REV3L: variants seen among roughly 807,000 people sequenced by gnomAD.
REV3L encodes REV3 like, DNA directed polymerase zeta catalytic subunit, also known as DNA polymerase zeta catalytic subunit.
In REV3L, 69 loss-of-function variants were observed where a neutral mutation model predicts 299.4. The ratio of observed to expected loss-of-function variants is 0.23; its 90% CI spans 0.19 to 0.28. The LOEUF is 0.28. Ranked by LOEUF, REV3L falls within the 10% of genes least tolerant of loss-of-function variation. The pLI is 1.00. For missense variants in REV3L, 3,128 were observed against 3,693.8 expected (o/e 0.85, Z 3.97); for synonymous variants, 1,238 against 1,271.4 (o/e 0.97, Z 0.56).
At chr6:111,411,695 AT>A in intron 2 of REV3L, 141 bp from the exon 3 acceptor site, 1 of 624,098 alleles carries the variant, frequency 1.6e-6, no homozygotes, top group Non-Finnish European at 2.7e-6. Flanking sequence ...CAACTAAAAA[AT>A]CCCAAACCTT....
chr6:111,353,158 G>T (rs1777748209), intron 18 of REV3L, among the ~76,000 whole-genome samples: 1 of 152,158 alleles, frequency 6.6e-6, no homozygotes, highest in African/African-American at 2.4e-5. Flanking sequence ...CTCAGCCAAT[G>T]TCTACAGTAC....
intron 1 of REV3L, among the ~76,000 whole-genome samples, chr6:111,423,672 A>G (rs1276546532): frequency 6.6e-6 from 1 of 152,164 alleles, no homozygotes; most frequent in Non-Finnish European, 1.5e-5. Context: ...AGAACTACAG[A>G]AAGGAAAATC....
rs775778569 is a variant in REV3L at position 111,322,521 on chromosome 6, A to C, written c.8351+48T>G. 1.1e-5 allele frequency: 15 copies of C among 1,342,402 alleles called. No homozygotes were observed. In the African/African-American group the frequency reaches 1.7e-4, roughly 16 times the overall value. 83.2% of individuals were successfully genotyped at this position (1,342,402 alleles called of 1,614,324 possible). A position where few individuals can be genotyped will look rare whatever the true frequency, so the allele number is the denominator to read the frequency against. On this transcript the variant is annotated intron_variant, in intron 26 of 31. Transcript: ENST00000368802. The stretch of plus-strand genomic sequence containing the variant: ...TAAGCCATTTTAAACACTGAAATGA[A>C]GATCTAGAGAGATGCAAAAGACAAC...
At chr6:111,397,798 G>A (rs562440237) in intron 4 of REV3L, among the ~76,000 whole-genome samples, 1 of 151,922 alleles carries the variant, frequency 6.6e-6, no homozygotes, top group Admixed American at 6.5e-5. Flanking sequence ...CACCACACCT[G>A]GCTGATTTTT....
chr6:111,328,771 G>C (rs1023305611), intron 25 of REV3L, among the ~76,000 whole-genome samples: 1 of 152,056 alleles, frequency 6.6e-6, no homozygotes, highest in Non-Finnish European at 1.5e-5. Context: ...TGCTGCTTTA[G>C]TCTCTTTTTT....
chr6:111,387,711 C>T lies in REV3L; in HGVS notation c.1096+54G>A, dbSNP rs1390473848. ...CAAACTCAATCAAATATTAACATCTCAGTGCTAGATATCTGTTCTAGTAGT... is the reference window on the plus strand; with the variant it reads ...CAAACTCAATCAAATATTAACATCTTAGTGCTAGATATCTGTTCTAGTAGT... On this transcript the variant is annotated intron_variant, in intron 9 of 31. Coordinates refer to ENST00000368802, the MANE Select transcript of REV3L (RefSeq NM_001372078.1). 8.7e-6 allele frequency: 13 copies of T among 1,490,720 alleles called. No individual in the cohort carries two copies. In the Admixed American group the frequency reaches 1.9e-4, roughly 22 times the overall value. The allele number at this position is 1,490,720 out of a possible 1,614,324, so 92.3% of individuals were successfully genotyped here.
chr6:111,374,855 G>A lies in REV3L; in HGVS notation c.3500C>T (p.Thr1167Ile). ...CTTAATCTGTGCTCTTGCGCGACTA[G>A]TTTTTCCTATACGAGAATTAACAGT... Reference protein sequence around the residue: ...KKTVNSRIGKTSRARAQIKKS... With the variant: ...KKTVNSRIGKISRARAQIKKS... Residue 1167 changes from threonine to isoleucine, a missense_variant, in exon 13 of 32, where the codon ACT becomes ATT. This residue lies in a region of REV3L where 2,409 missense variants were observed against 2,611.8 expected (regional missense o/e 0.92). Coordinates refer to ENST00000368802, the MANE Select transcript of REV3L (RefSeq NM_001372078.1). The A allele has an allele frequency of 6.2e-7, 1 of 1,613,824 alleles. No homozygotes were observed. Among genetic ancestry groups the A allele is most frequent in the Non-Finnish European group, 8.5e-7 (1 of 1,179,890 alleles).
intron 1 of REV3L, among the ~76,000 whole-genome samples, chr6:111,421,369 G>A (rs756401806): frequency 2.6e-5 from 4 of 152,092 alleles, no homozygotes; most frequent in Non-Finnish European, 5.9e-5. Context: ...ACTTTTTCTG[G>A]AAGGTGACAG....
At chr6:111,330,435 G>C (rs1775263668) in intron 24 of REV3L, 1 of 351,728 alleles carries the variant, frequency 2.8e-6, no homozygotes, top group Non-Finnish European at 6.0e-6. Context: ...CCACAAAACA[G>C]TATTAACTTT....
chr6:111,324,631 G>C (rs1430180004), intron 25 of REV3L, among the ~76,000 whole-genome samples: 1 of 152,152 alleles, frequency 6.6e-6, no homozygotes, highest in African/African-American at 2.4e-5. Flanking sequence ...ATACCCCAAA[G>C]AGTCAGAACT....
At chr6:111,359,077 T>A in intron 16 of REV3L, 63 bp from the exon 17 acceptor site, 3 of 1,383,756 alleles carry the variant, frequency 2.2e-6, no homozygotes, top group Non-Finnish European at 3.0e-6. Context: ...CAAAGAAGTA[T>A]GTAAGGCTCT....
At chr6:111,471,902 G>T in intron 1 of REV3L, 1 of 457,084 alleles carries the variant, frequency 2.2e-6, no homozygotes, top group South Asian at 3.2e-5. Flanking sequence ...GCTTTAAAGA[G>T]GTTGATATTT....
At chr6:111,337,363 T>G (rs1776011383) in intron 21 of REV3L, among the ~76,000 whole-genome samples, 1 of 152,212 alleles carries the variant, frequency 6.6e-6, no homozygotes, top group South Asian at 2.1e-4. Context: ...AATTTACATT[T>G]TTAACTTAAT....
chr6:111,372,241 T>A (rs1032338137), intron 13 of REV3L, among the ~76,000 whole-genome samples: 1 of 152,144 alleles, frequency 6.6e-6, no homozygotes, highest in Admixed American at 6.6e-5. Context: ...AGTTTAACAT[T>A]TAAAAATTAA....
At chr6:111,448,914 C>G (rs374305952) in intron 1 of REV3L, among the ~76,000 whole-genome samples, 1 of 151,688 alleles carries the variant, frequency 6.6e-6, no homozygotes, top group African/African-American at 2.4e-5. Context: ...CTTCCTGCCC[C>G]GGCCTCCCAA....
chr6:111,400,213 AGGTTTG>A (rs1198449293), intron 4 of REV3L, among the ~76,000 whole-genome samples: 13 of 152,280 alleles, frequency 8.5e-5, no homozygotes, highest in African/African-American at 3.1e-4. Context: ...ATTTGCATAC[AGGTTTG>A]GGTGGACCTA....
intron 25 of REV3L, among the ~76,000 whole-genome samples, chr6:111,323,281 C>G (rs1774397183): frequency 6.6e-6 from 1 of 152,206 alleles, no homozygotes; most frequent in Admixed American, 6.5e-5. Flanking sequence ...AGCCACCGTG[C>G]CCGACCTATT....
At chr6:111,414,692 G>C (rs1318004969) in intron 2 of REV3L, among the ~76,000 whole-genome samples, 1 of 152,096 alleles carries the variant, frequency 6.6e-6, no homozygotes, top group East Asian at 1.9e-4. Context: ...ATGAGCTCCA[G>C]ATCTTTCCTG....
chr6:111,373,336 C>A lies in REV3L; in HGVS notation c.5019G>T (p.Leu1673Phe). ...GSQFVPADQN[L>F]PQKFLSDAVQ... Reference sequence around the variant, plus strand: ...CAGCATCACTTAGGAACTTCTGAGGCAAATTCTGATCAGCTGGGACAAACT... The same window carrying A: ...CAGCATCACTTAGGAACTTCTGAGGAAAATTCTGATCAGCTGGGACAAACT... Residue 1673 changes from leucine to phenylalanine, a missense_variant, in exon 13 of 32, where the codon TTG becomes TTT. This residue lies in a region of REV3L where 2,409 missense variants were observed against 2,611.8 expected (regional missense o/e 0.92). Coordinates refer to ENST00000368802, the MANE Select transcript of REV3L (RefSeq NM_001372078.1). 2 of 1,613,896 alleles carry A rather than the reference C, an allele frequency of 1.2e-6. No homozygotes were observed. Among genetic ancestry groups the A allele is most frequent in the Non-Finnish European group, 1.7e-6 (2 of 1,179,942 alleles).
Sources: allele counts gnomAD v4.1 joint callset (sites outside exome capture counted in the v4.1 genomes callset), GRCh38; gene constraint gnomAD v4.1.1; regional missense constraint gnomAD v4.1.1; transcripts MANE v1.5; gene names NCBI Gene and HGNC (gene_info 2026-07-23, HGNC 2026-07-21).